Variants in GCNT4 observed in about 807,000 individuals in gnomAD.
GCNT4 encodes glucosaminyl (N-acetyl) transferase 4.
In GCNT4, 17 loss-of-function variants were observed where a neutral mutation model predicts 31.3. The ratio of observed to expected loss-of-function variants is 0.54; its 90% CI spans 0.37 to 0.81. The LOEUF is 0.81. GCNT4 is among the 40% of genes least tolerant of loss of function. The pLI, the probability that GCNT4 is intolerant of heterozygous loss-of-function variation, is 0.00. For synonymous variants in GCNT4, 158 were observed against 190.6 expected, an observed-to-expected ratio of 0.83 and a Z score of 1.41; for missense variants, 503 against 525.5, an observed-to-expected ratio of 0.96 and a Z score of 0.42.
Position 75,029,213 on chromosome 5 carries a change from A to G in GCNT4, c.825T>C (p.Pro275=). ...FTYHHELRRV[P]YEYVKLPIRT... ...TTATTGGTAGCTTCACATATTCATA[A>G]GGCACCCGTCTAAGTTCATGATGGT... The change falls in exon 4 of 4, where the codon CCT becomes CCC. Residue 275 remains proline, a synonymous_variant. Transcript: ENST00000652361. 1 of 1,614,048 alleles carries G rather than the reference A, an allele frequency of 6.2e-7. No individual in the cohort carries two copies. The highest frequency in any genetic ancestry group is 1.1e-5 in the South Asian group (1 of 91,074).
chr5:75,039,559 G>A (rs1238260037), intron 3 of GCNT4, among the ~76,000 whole-genome samples: 2 of 152,164 alleles, frequency 1.3e-5, no homozygotes, highest in African/African-American at 4.8e-5. Context: ...GAGGAGCAAG[G>A]ATTTTCAACC....
chr5:75,019,622 C>G, the GCNT4 span, among the ~76,000 whole-genome samples: 1 of 152,156 alleles, frequency 6.6e-6, no homozygotes, highest in Non-Finnish European at 1.5e-5. Flanking sequence ...TGGCATGATA[C>G]TGGCAATTAC....
chr5:75,045,074 T>C (rs1347756588), intron 3 of GCNT4, among the ~76,000 whole-genome samples: 1 of 152,242 alleles, frequency 6.6e-6, no homozygotes, highest in Non-Finnish European at 1.5e-5. Flanking sequence ...ATAACTTTTC[T>C]TGTTTCTTAT....
rs1216490295 is a variant in GCNT4, at chr5:75,027,547, T to C, written c.*1129A>G. ...CTGTGTCCTTAGGAAAATTAGCTTT[T>C]TTCTCTCTGGAACTAAGCTGAGAAA... is the stretch of plus-strand genomic sequence containing the variant. On this transcript the variant is annotated 3_prime_UTR_variant, in exon 4 of 4. Transcript: ENST00000652361. 6.6e-6 allele frequency: 1 copy of C among 151,482 alleles called. No homozygotes were observed. The highest frequency in any genetic ancestry group is 1.9e-4 in the East Asian group (1 of 5,178). The allele number at this position is 151,482 out of a possible 1,614,324, so 9.4% of individuals were successfully genotyped here. A position where few individuals can be genotyped will look rare whatever the true frequency, so the allele number is the denominator to read the frequency against.
intron 3 of GCNT4, among the ~76,000 whole-genome samples, chr5:75,031,731 T>A (rs908218955): frequency 1.2e-4 from 18 of 152,180 alleles, no homozygotes. Context: ...ATTATATTAC[T>A]TTTTCAGATG....
intron 3 of GCNT4, 176 bp downstream of exon 3, chr5:75,047,721 A>G (rs1743475034): frequency 6.6e-6 from 1 of 151,992 alleles, no homozygotes; most frequent in African/African-American, 2.4e-5. Flanking sequence ...TTTTTTTTAA[A>G]TTAAATAACC....
At chr5:75,035,918 T>C (rs1187236446) in intron 3 of GCNT4, among the ~76,000 whole-genome samples, 1 of 152,200 alleles carries the variant, frequency 6.6e-6, no homozygotes, top group Non-Finnish European at 1.5e-5. Context: ...TCTTAACAAA[T>C]TCAGTATTTT....
chr5:75,022,565 C>A (rs1253086532), downstream of GCNT4, among the ~76,000 whole-genome samples: 1 of 152,184 alleles, frequency 6.6e-6, no homozygotes, highest in Non-Finnish European at 1.5e-5. Flanking sequence ...AAATCTCCCT[C>A]CCCTTTAATG....
chr5:75,037,566 T>TAAA, intron 3 of GCNT4, among the ~76,000 whole-genome samples: 1 of 152,300 alleles, frequency 6.6e-6, no homozygotes, highest in South Asian at 2.1e-4. Context: ...TCTCTTTTTA[T>TAAA]AAAGTAAACA....
At chr5:75,023,413 C>T (rs936959413), downstream of GCNT4, among the ~76,000 whole-genome samples, 5 of 152,140 alleles carry the variant, frequency 3.3e-5, no homozygotes, top group African/African-American at 1.2e-4. Flanking sequence ...CAATTAAAAA[C>T]TCCATTCTCT....
intron 3 of GCNT4, among the ~76,000 whole-genome samples, chr5:75,034,257 T>C (rs1210179030): frequency 1.3e-5 from 2 of 152,172 alleles, no homozygotes; most frequent in Non-Finnish European, 2.9e-5. Context: ...AAAGAACATC[T>C]GCATAACACC....
At chr5:75,018,466 G>C in the GCNT4 span, among the ~76,000 whole-genome samples, 1 of 151,982 alleles carries the variant, frequency 6.6e-6, no homozygotes, top group African/African-American at 2.4e-5. Context: ...ATTTTTAGTA[G>C]AGACGGGGTT....
At position 75,025,765 on chromosome 5, in the gene GCNT4, C is replaced by T. The variant is rs1482500943; in HGVS notation, c.*2911G>A. 1.3e-5 allele frequency: 2 copies of T among 152,180 alleles called. No individual in the cohort carries two copies. Among genetic ancestry groups the T allele is most frequent in the East Asian group, 3.8e-4 (2 of 5,200 alleles). The allele number at this position is 152,180 out of a possible 1,614,324, so 9.4% of individuals were successfully genotyped here. ...AATAGCAGCAACACTGGTCTTTAAA[C>T]ACGTCTAATATCCCAAGAGATTGTT... On this transcript the variant is annotated 3_prime_UTR_variant, in exon 4 of 4. Transcript: ENST00000652361.
rs1447240815 is a variant in GCNT4, at chr5:75,027,935, C to T, written c.*741G>A. The T allele has an allele frequency of 6.6e-6, 1 of 152,416 alleles. No individual in the cohort carries two copies. Among genetic ancestry groups the T allele is most frequent in the South Asian group, 2.1e-4 (1 of 4,816 alleles). The allele number at this position is 152,416 out of a possible 1,614,324, so 9.4% of individuals were successfully genotyped here. A position where few individuals can be genotyped will look rare whatever the true frequency, so the allele number is the denominator to read the frequency against. On this transcript the variant is annotated 3_prime_UTR_variant, in exon 4 of 4. Coordinates refer to ENST00000652361, the MANE Select transcript of GCNT4 (RefSeq NM_001366737.1). ...ACTAAAAAGGAGGCCATTCATGATA[C>T]TGTTTTGTAACATGATAAAAATGTT...
upstream of GCNT4, among the ~76,000 whole-genome samples, chr5:75,054,036 C>G (rs1213019017): frequency 1.3e-5 from 2 of 149,634 alleles, no homozygotes; most frequent in Non-Finnish European, 2.9e-5. Flanking sequence ...GAAGGCAGCT[C>G]GCTCTCATGG....
At chr5:75,038,641 G>A (rs957510254) in intron 3 of GCNT4, among the ~76,000 whole-genome samples, 3 of 152,312 alleles carry the variant, frequency 2.0e-5, no homozygotes, top group Non-Finnish European at 2.9e-5. Flanking sequence ...CATGGCAAAG[G>A]GCAGACGGGC....
intron 3 of GCNT4, among the ~76,000 whole-genome samples, chr5:75,036,656 G>A (rs927792332): frequency 6.6e-6 from 1 of 152,192 alleles, no homozygotes; most frequent in African/African-American, 2.4e-5. Flanking sequence ...TGATTTCCAT[G>A]GAGAATGAGC....
chr5:75,045,497 T>C (rs532743830), intron 3 of GCNT4, among the ~76,000 whole-genome samples: 1 of 152,240 alleles, frequency 6.6e-6, no homozygotes, highest in South Asian at 2.1e-4. Flanking sequence ...TTCCATTGTA[T>C]GTATACATTA....
rs1452045023 is a variant in GCNT4, at chr5:75,052,185, CATTAT to C, written c.-164_-160del. ...TCTACTCACATGAGACAATTAAACG[CATTAT>C]ATTAGCCCCAACTCTGTTAATCTTC... On this transcript the variant is annotated 5_prime_UTR_variant, in exon 2 of 4. It adds an upstream start codon to the 5' untranslated region. Coordinates refer to ENST00000652361, the MANE Select transcript of GCNT4 (RefSeq NM_001366737.1). 6.9e-6 allele frequency: 1 copy of C among 145,590 alleles called. No individual in the cohort carries two copies. The highest frequency in any genetic ancestry group is 1.5e-5 in the Non-Finnish European group (1 of 67,190). 9.0% of individuals were successfully genotyped at this position (145,590 alleles called of 1,614,324 possible).
Sources: gnomAD v4.1 joint callset for allele counts (sites outside exome capture counted in the v4.1 genomes callset) on GRCh38, gnomAD v4.1.1 for gene constraint, MANE v1.5 for transcripts, NCBI Gene and HGNC (gene_info 2026-07-23, HGNC 2026-07-21) for gene names.